The following NEBL variants were observed in gnomAD, a reference collection of about 807,000 sequenced individuals.
The protein encoded by NEBL is LIM and SH3 protein 2.
A neutral mutation model predicts 140.2 loss-of-function variants in NEBL; 122 were observed. The observed-to-expected ratio is 0.87, with a 90% confidence interval of 0.75 to 1.01. The LOEUF (loss-of-function observed/expected upper bound fraction) is 1.01, where lower values mean the gene tolerates loss of function less well. Ranked by LOEUF, NEBL falls within the 50% of genes least tolerant of loss-of-function variation. NEBL has a pLI of 0.00. For missense variants in NEBL, 1,365 were observed against 1,231.3 expected (o/e 1.11, Z -1.62); for synonymous variants, 436 against 398.9 (o/e 1.09, Z -1.11).
intron 2 of NEBL, among the ~76,000 whole-genome samples, chr10:21,147,975 A>C (rs1441952645): frequency 6.6e-6 from 1 of 152,232 alleles, no homozygotes; most frequent in Non-Finnish European, 1.5e-5. Flanking sequence ...GTCCAGAAAA[A>C]ATAACGGAAC....
intron 7 of NEBL, among the ~76,000 whole-genome samples, chr10:20,862,214 C>T (rs1306741738): frequency 6.6e-6 from 1 of 152,116 alleles, no homozygotes; most frequent in Non-Finnish European, 1.5e-5. Flanking sequence ...AATAATCAAT[C>T]TGTTATTCAT....
chr10:21,242,106 A>G (rs1228629504), intron 3 of NEBL, among the ~76,000 whole-genome samples: 1 of 152,132 alleles, frequency 6.6e-6, no homozygotes. Flanking sequence ...GGAAGCTAAG[A>G]TGGGAGAATC....
chr10:20,987,526 C>T (rs921626707), intron 3 of NEBL, among the ~76,000 whole-genome samples: 1 of 152,174 alleles, frequency 6.6e-6, no homozygotes, highest in East Asian at 1.9e-4. Flanking sequence ...TTAACCCCCT[C>T]TCCCAAACAC....
chr10:21,049,252 A>T (rs988840229), intron 2 of NEBL, among the ~76,000 whole-genome samples: 1 of 152,218 alleles, frequency 6.6e-6, no homozygotes, highest in South Asian at 2.1e-4. Context: ...CCAAGCTGAC[A>T]TATCACATTG....
At chr10:20,979,543 GC>G (rs1836946770) in intron 3 of NEBL, among the ~76,000 whole-genome samples, 1 of 152,148 alleles carries the variant, frequency 6.6e-6, no homozygotes, top group Admixed American at 6.5e-5. Context: ...AAGAAAACAT[GC>G]CACATTATTT....
At chr10:21,246,347 T>C (rs916879976) in intron 3 of NEBL, among the ~76,000 whole-genome samples, 3 of 152,212 alleles carry the variant, frequency 2.0e-5, no homozygotes, top group Non-Finnish European at 4.4e-5. Flanking sequence ...AACCCAGTAA[T>C]CCCACTGCTG....
rs182919778 is a variant in NEBL at position 21,056,427 on chromosome 10, G to A, written c.165-36226C>T. Among the ~76,000 whole-genome samples, 371 of 152,212 alleles carry A rather than the reference G, an allele frequency of 2.4e-3. 1 individual carries two copies. Among genetic ancestry groups the A allele is most frequent in the Non-Finnish European group, 4.6e-3 (315 of 68,020 alleles). On this transcript the variant is annotated intron_variant, in intron 2 of 6. Transcript: ENST00000417816. ...CTGGACCTGCAAAAAAAGATAGACT[G>A]ACTGTCCTCCCGGAACTTTAAAAGC... is the stretch of plus-strand genomic sequence containing the variant.
chr10:20,898,574 G>A (rs939323303), upstream of NEBL, among the ~76,000 whole-genome samples: 10 of 152,138 alleles, frequency 6.6e-5, no homozygotes, highest in East Asian at 1.9e-4. Context: ...GATTCTGGGG[G>A]AAAAAAGCAG....
chr10:20,799,312 C>T (rs1255832662), intron 26 of NEBL, among the ~76,000 whole-genome samples: 2 of 152,086 alleles, frequency 1.3e-5, no homozygotes, highest in Non-Finnish European at 2.9e-5. Context: ...CGTGCCACCA[C>T]ACTCAGCTCA....
At chr10:20,841,953 A>G (rs1841445733) in intron 12 of NEBL, among the ~76,000 whole-genome samples, 1 of 152,114 alleles carries the variant, frequency 6.6e-6, no homozygotes, top group Admixed American at 6.6e-5. Context: ...ATGAATACTT[A>G]CATACAACTT....
intron 2 of NEBL, among the ~76,000 whole-genome samples, chr10:21,099,397 C>A (rs1025904096): frequency 1.3e-5 from 2 of 152,186 alleles, no homozygotes; most frequent in Non-Finnish European, 2.9e-5. Context: ...TCCCTTCACA[C>A]CAGCTTGCCA....
intron 9 of NEBL, among the ~76,000 whole-genome samples, chr10:20,855,524 A>C (rs79150812): frequency 1.7e-5 from 2 of 116,760 alleles, no homozygotes; most frequent in African/African-American, 2.8e-5. Context: ...ACAAAACAAA[A>C]CAAAAAAAAA....
At chr10:20,933,956 C>T (rs1834338273) in intron 4 of NEBL, among the ~76,000 whole-genome samples, 1 of 152,154 alleles carries the variant, frequency 6.6e-6, no homozygotes, top group African/African-American at 2.4e-5. Context: ...GCTGGGTACA[C>T]TATCAGTTTC....
At chr10:21,211,282 T>G (rs1388327815) in intron 3 of NEBL, among the ~76,000 whole-genome samples, 1 of 151,896 alleles carries the variant, frequency 6.6e-6, no homozygotes. Flanking sequence ...AGCTTGAGAC[T>G]AGCCTGGGCA....
intron 2 of NEBL, among the ~76,000 whole-genome samples, chr10:21,023,477 T>G (rs1838883438): frequency 1.3e-5 from 2 of 152,030 alleles, no homozygotes. Flanking sequence ...GTGGATCACT[T>G]GAGGTCAGGA....
intron 2 of NEBL, among the ~76,000 whole-genome samples, chr10:21,090,386 A>G (rs1329777416): frequency 6.6e-6 from 1 of 152,232 alleles, no homozygotes; most frequent in Non-Finnish European, 1.5e-5. Flanking sequence ...TCCATAAACA[A>G]TACAACAACT....
intron 6 of NEBL, among the ~76,000 whole-genome samples, chr10:20,869,527 A>G (rs1042332575): frequency 1.3e-5 from 2 of 152,206 alleles, no homozygotes; most frequent in African/African-American, 4.8e-5. Context: ...GTATGATGAC[A>G]CTAACCACAG....
intron 3 of NEBL, among the ~76,000 whole-genome samples, chr10:21,240,502 GT>G (rs1451283463): frequency 6.6e-6 from 1 of 152,086 alleles, no homozygotes; most frequent in Non-Finnish European, 1.5e-5. Context: ...AATTAGCTGG[GT>G]GTGGTGGCAC....
rs765025637 is a variant in NEBL at position 20,961,648 on chromosome 10, G to A, written c.357+24C>T. 2.0e-5 allele frequency: 29 copies of A among 1,468,794 alleles called. No individual in the cohort carries two copies. The South Asian group carries it at 2.8e-4, about 14-fold the overall frequency. The allele number at this position is 1,468,794 out of a possible 1,614,324, so 91.0% of individuals were successfully genotyped here. On this transcript the variant is annotated intron_variant, in intron 4 of 6. Transcript: ENST00000417816. ...CAGAAATGCACATCAGAGCCATCAT[G>A]CTATTGAATAAACAGGCACCTACAT...
Sources: allele counts gnomAD v4.1 joint callset (sites outside exome capture counted in the v4.1 genomes callset), GRCh38; gene constraint gnomAD v4.1.1; transcripts MANE v1.5; gene names NCBI Gene and HGNC (gene_info 2026-07-23, HGNC 2026-07-21).